The following MACROD2 variants were observed in gnomAD, a reference collection of about 807,000 sequenced individuals.
The protein encoded by MACROD2 is mono-ADP ribosylhydrolase 2.
A neutral mutation model predicts 70.4 loss-of-function variants in MACROD2; 36 were observed. The observed-to-expected ratio is 0.51, with a 90% CI of 0.39 to 0.68. MACROD2 has a LOEUF of 0.68. Among genes scored for constraint, MACROD2 ranks in the 30% least tolerant of loss-of-function variants. MACROD2 has a pLI of 0.00. For synonymous variants in MACROD2, 172 were observed against 178.8 expected (o/e 0.96, Z 0.30); for missense variants, 496 against 538.4 (o/e 0.92, Z 0.78).
chr20:15,593,090 G>T (rs935468473), intron 8 of MACROD2, among the ~76,000 whole-genome samples: 1 of 152,112 alleles, frequency 6.6e-6, no homozygotes, highest in East Asian at 1.9e-4. Flanking sequence ...GCAGTGTGGC[G>T]GTCCCTGGTA....
intron 5 of MACROD2, among the ~76,000 whole-genome samples, chr20:14,820,281 T>C (rs1384584849): frequency 6.6e-6 from 1 of 151,816 alleles, no homozygotes; most frequent in Non-Finnish European, 1.5e-5. Context: ...CATCCTTTCA[T>C]TCTAAAAGGA....
intron 3 of MACROD2, among the ~76,000 whole-genome samples, chr20:14,429,259 A>G (rs2083968368): frequency 6.6e-6 from 1 of 152,178 alleles, no homozygotes; most frequent in African/African-American, 2.4e-5. Flanking sequence ...ACACTAGGCC[A>G]GACCTTTATA....
At chr20:15,684,527 G>T (rs1446539196) in intron 8 of MACROD2, among the ~76,000 whole-genome samples, 1 of 152,168 alleles carries the variant, frequency 6.6e-6, no homozygotes, top group African/African-American at 2.4e-5. Flanking sequence ...TAAATCACAA[G>T]GGTAAGCTCA....
intron 5 of MACROD2, among the ~76,000 whole-genome samples, chr20:15,088,789 G>A (rs1202538961): frequency 6.6e-6 from 1 of 151,742 alleles, no homozygotes; most frequent in Non-Finnish European, 1.5e-5. Flanking sequence ...CTATGTATGT[G>A]CACAGTACAG....
chr20:15,342,773 G>A (rs536596006), intron 6 of MACROD2, among the ~76,000 whole-genome samples: 39 of 152,162 alleles, frequency 2.6e-4, no homozygotes, highest in East Asian at 9.7e-4. Flanking sequence ...GGGAGTTTTC[G>A]GAGGGGTGGA....
chr20:15,445,909 C>T (rs1169575492), intron 7 of MACROD2, among the ~76,000 whole-genome samples: 1 of 152,130 alleles, frequency 6.6e-6, no homozygotes, highest in Non-Finnish European at 1.5e-5. Flanking sequence ...GGGAATCAGA[C>T]AATCATGAAC....
chr20:14,992,105 A>C (rs2122871981), intron 5 of MACROD2, among the ~76,000 whole-genome samples: 1 of 152,336 alleles, frequency 6.6e-6, no homozygotes, highest in Admixed American at 6.5e-5. Flanking sequence ...ACCATTTTTT[A>C]AGTCTAGAAT....
At chr20:14,649,369 T>C (rs977092391) in intron 4 of MACROD2, among the ~76,000 whole-genome samples, 1 of 152,166 alleles carries the variant, frequency 6.6e-6, no homozygotes, top group African/African-American at 2.4e-5. Context: ...AAAAGTTTAT[T>C]CTTATGGGTA....
At chr20:15,435,381 G>A (rs2046415212) in intron 7 of MACROD2, among the ~76,000 whole-genome samples, 1 of 152,050 alleles carries the variant, frequency 6.6e-6, no homozygotes, top group South Asian at 2.1e-4. Context: ...CACACACAAT[G>A]TAATAATTTA....
intron 8 of MACROD2, among the ~76,000 whole-genome samples, chr20:15,750,927 G>C (rs898958026): frequency 6.6e-6 from 1 of 151,742 alleles, no homozygotes; most frequent in Non-Finnish European, 1.5e-5. Context: ...TTTTTTGTTT[G>C]TTTGTTTTTT....
chr20:15,384,907 A>G (rs538310996), intron 6 of MACROD2, among the ~76,000 whole-genome samples: 4 of 152,286 alleles, frequency 2.6e-5, no homozygotes, highest in East Asian at 3.9e-4. Flanking sequence ...AATTAGACAC[A>G]ATAAGACCCC....
chr20:14,338,685 T>C (rs931692460), intron 3 of MACROD2, among the ~76,000 whole-genome samples: 3 of 152,172 alleles, frequency 2.0e-5, no homozygotes, highest in Non-Finnish European at 2.9e-5. Context: ...AAGAAAAAAA[T>C]CTTTCAGGGT....
At chr20:15,799,164 T>C (rs2063701597) in intron 8 of MACROD2, among the ~76,000 whole-genome samples, 1 of 152,190 alleles carries the variant, frequency 6.6e-6, no homozygotes. Flanking sequence ...AGGCATCTGG[T>C]ATGTCAAAAG....
chr20:14,591,598 C>G (rs1981774332), intron 4 of MACROD2, among the ~76,000 whole-genome samples: 1 of 152,152 alleles, frequency 6.6e-6, no homozygotes, highest in African/African-American at 2.4e-5. Flanking sequence ...TACCCCATGT[C>G]TACAAAGGAA....
chr20:15,381,829 G>A (rs2045648720), intron 6 of MACROD2, among the ~76,000 whole-genome samples: 1 of 152,136 alleles, frequency 6.6e-6, no homozygotes, highest in South Asian at 2.1e-4. Context: ...AGACAGATTA[G>A]GCACAGGGTG....
chr20:14,835,397 A>G (rs141593001), intron 5 of MACROD2, among the ~76,000 whole-genome samples: 63 of 152,234 alleles, frequency 4.1e-4, no homozygotes, highest in African/African-American at 1.5e-3. Context: ...GGTCTAAGAG[A>G]GGCAACTGAA....
intron 2 of MACROD2, among the ~76,000 whole-genome samples, chr20:14,065,229 T>C (rs1408628461): frequency 1.3e-5 from 2 of 152,312 alleles, no homozygotes; most frequent in East Asian, 3.9e-4. Context: ...ACACACCTGT[T>C]TGATTCTCCC....
chr20:14,690,159 T>C (rs1313287642), intron 5 of MACROD2, among the ~76,000 whole-genome samples: 1 of 152,214 alleles, frequency 6.6e-6, no homozygotes, highest in East Asian at 1.9e-4. Flanking sequence ...ATTTTATTTC[T>C]TTAGAATGCT....
chr20:15,120,344 G>A (rs1182612347), intron 5 of MACROD2, among the ~76,000 whole-genome samples: 1 of 152,130 alleles, frequency 6.6e-6, no homozygotes, highest in African/African-American at 2.4e-5. Context: ...GAGTTCTGAT[G>A]TCACTTTTTG....
Sources: allele counts gnomAD v4.1 joint callset (sites outside exome capture counted in the v4.1 genomes callset), GRCh38; gene constraint gnomAD v4.1.1; transcripts MANE v1.5; gene names NCBI Gene and HGNC (gene_info 2026-07-23, HGNC 2026-07-21).